ZNF331: variants seen among roughly 807,000 people sequenced by gnomAD.
The protein encoded by ZNF331 is zinc finger protein 331, also known as C2H2-like zinc finger protein rearranged in thyroid adenomas.
Under a neutral mutation model 7.0 loss-of-function variants are expected in ZNF331, and 2 were observed. The ratio of observed to expected loss-of-function variants is 0.29; its 90% CI spans 0.12 to 0.90. ZNF331 has a LOEUF of 0.90. Ranked by LOEUF, ZNF331 falls within the 40% of genes least tolerant of loss-of-function variation. ZNF331 has a pLI of 0.58. For synonymous variants in ZNF331, 196 were observed against 205.4 expected, an observed-to-expected ratio of 0.95 and a Z score of 0.39; for missense variants, 432 against 587.7, an observed-to-expected ratio of 0.74 and a Z score of 2.74.
intron 2 of ZNF331, among the ~76,000 whole-genome samples, chr19:53,523,962 G>A (rs1385285933): frequency 6.6e-6 from 1 of 152,102 alleles, no homozygotes; most frequent in African/African-American, 2.4e-5. Flanking sequence ...ACCACCCTGT[G>A]TCCAATTGAT....
At chr19:53,563,770 A>C (rs773273140) in intron 3 of ZNF331, 5 of 152,104 alleles carry the variant, frequency 3.3e-5, no homozygotes. Flanking sequence ...CAGCTTTACC[A>C]GTGAGGAAAC....
intron 2 of ZNF331, among the ~76,000 whole-genome samples, chr19:53,525,005 C>T (rs1178348270): frequency 2.0e-5 from 3 of 152,152 alleles, no homozygotes; most frequent in Admixed American, 2.0e-4. Context: ...TTCCCAGCAC[C>T]ATTTATTAAA....
At chr19:53,531,286 C>G (rs530436959) in intron 2 of ZNF331, among the ~76,000 whole-genome samples, 1 of 152,268 alleles carries the variant, frequency 6.6e-6, no homozygotes, top group Non-Finnish European at 1.5e-5. Context: ...ACTATAACAA[C>G]TTATCCCGGT....
At chr19:53,508,524 CAGA>C in the ZNF331 span, among the ~76,000 whole-genome samples, 9 of 151,900 alleles carry the variant, frequency 5.9e-5, no homozygotes, top group African/African-American at 2.2e-4. Context: ...TGGCTGTCTC[CAGA>C]AGGAGACATC....
the ZNF331 span, among the ~76,000 whole-genome samples, chr19:53,510,968 A>G: frequency 6.6e-6 from 1 of 152,254 alleles, no homozygotes; most frequent in South Asian, 2.1e-4. Flanking sequence ...TCTCATATAT[A>G]TGTAAATACC....
the ZNF331 span, chr19:53,503,295 C>G: frequency 2.8e-6 from 1 of 360,960 alleles, no homozygotes; most frequent in Non-Finnish European, 5.3e-6. Context: ...CAGCCCCCAC[C>G]AAGTACCAGC....
chr19:53,504,658 T>C, the ZNF331 span, among the ~76,000 whole-genome samples: 1 of 152,266 alleles, frequency 6.6e-6, no homozygotes, highest in Non-Finnish European at 1.5e-5. Flanking sequence ...TGATGAATAG[T>C]AAAATATATA....
the ZNF331 span, among the ~76,000 whole-genome samples, chr19:53,508,901 C>A: frequency 3.3e-5 from 5 of 152,256 alleles, no homozygotes; most frequent in East Asian, 9.6e-4. Flanking sequence ...CAGAATGGGA[C>A]TGACTGATTC....
chr19:53,561,075 T>G (rs1046936348), intron 3 of ZNF331, among the ~76,000 whole-genome samples: 2 of 152,116 alleles, frequency 1.3e-5, no homozygotes, highest in Non-Finnish European at 2.9e-5. Context: ...GGAGGATCAC[T>G]TGAACCCAGG....
chr19:53,553,235 G>T lies in ZNF331; in HGVS notation c.-137-2610G>T, dbSNP rs562296919. ...TTTTTAAAAATTACTGTCTTGGCTG[G>T]GTGCAGTGGCTCATGCCTGTAATCC... On this transcript the variant is annotated intron_variant, in intron 2 of 5. Transcript: ENST00000449416. Among the ~76,000 whole-genome samples the T allele has an allele frequency of 2.6e-3, 389 of 151,410 alleles. 1 individual carries two copies. The highest frequency in any genetic ancestry group is 4.2e-3 in the Non-Finnish European group (283 of 67,894).
intron 3 of ZNF331, 26 bp from the exon 4 acceptor site, chr19:53,569,278 T>G: frequency 7.1e-7 from 1 of 1,410,722 alleles, no homozygotes; most frequent in Non-Finnish European, 1.0e-6. Context: ...TGCACCTCGT[T>G]TTAATCTCTT....
chr19:53,537,302 C>T (rs1484760060), upstream of ZNF331: 1 of 152,256 alleles, frequency 6.6e-6, no homozygotes, highest in Non-Finnish European at 1.5e-5. Context: ...ATAACTGCTA[C>T]CTGTACATTG....
chr19:53,577,169 TATTCATAAGAGG>T lies in ZNF331; in HGVS notation c.617_628del (p.Lys206_His209del). On this transcript the variant is annotated inframe_deletion, in exon 6 of 6. Coordinates refer to ENST00000449416, the MANE Select transcript of ZNF331 (RefSeq NM_001079906.2). ...CTTTTCGATGGGGCTCAAGCCTCGT[TATTCATAAGAGG>T]ATTCATACTGGTGAAAAACCCTATG... is the stretch of plus-strand genomic sequence containing the variant. 6.2e-7 allele frequency: 1 copy of T among 1,614,078 alleles called. No homozygotes were observed.
At chr19:53,554,036 G>A (rs2089190743) in intron 2 of ZNF331, among the ~76,000 whole-genome samples, 1 of 152,222 alleles carries the variant, frequency 6.6e-6, no homozygotes, top group South Asian at 2.1e-4. Flanking sequence ...TGCATGCTGG[G>A]ACACGGGGCT....
At chr19:53,528,452 T>A (rs1423266109) in intron 2 of ZNF331, among the ~76,000 whole-genome samples, 1 of 152,236 alleles carries the variant, frequency 6.6e-6, no homozygotes, top group African/African-American at 2.4e-5. Context: ...TGTATTACTA[T>A]GTTTTATGTA....
rs373742839 is a variant in ZNF331 at position 53,569,148 on chromosome 19, AC to A, written c.-73-154del. ...TGGGATTACAGGCGTGAGCCACCGC[AC>A]CTGGCCTGATCCATGATACTCTTCA... On this transcript the variant is annotated intron_variant, in intron 3 of 5. Coordinates refer to ENST00000449416, the MANE Select transcript of ZNF331 (RefSeq NM_001079906.2). 6.4e-4 allele frequency among the ~76,000 whole-genome samples: 97 copies of A among 152,056 alleles called. No homozygotes were observed. In the East Asian group the frequency reaches 0.015, roughly 24 times the overall value.
chr19:53,534,697 A>C (rs527488722), upstream of ZNF331, among the ~76,000 whole-genome samples: 35 of 152,154 alleles, frequency 2.3e-4, no homozygotes, highest in Admixed American at 2.1e-3. Flanking sequence ...TCCCTCACCT[A>C]CTTTTAAGGA....
chr19:53,508,985 T>C, the ZNF331 span, among the ~76,000 whole-genome samples: 1 of 152,108 alleles, frequency 6.6e-6, no homozygotes. Context: ...CACTGAAGAA[T>C]GGAGGGACAT....
intron 2 of ZNF331, among the ~76,000 whole-genome samples, chr19:53,530,532 G>A (rs766838893): frequency 6.6e-6 from 1 of 152,196 alleles, no homozygotes; most frequent in Non-Finnish European, 1.5e-5. Flanking sequence ...TTCTAATAAT[G>A]TTTGATGCAA....
Sources: allele counts gnomAD v4.1 joint callset (sites outside exome capture counted in the v4.1 genomes callset), GRCh38; gene constraint gnomAD v4.1.1; transcripts MANE v1.5; gene names NCBI Gene and HGNC (gene_info 2026-07-23, HGNC 2026-07-21).